HTD2: variants seen among roughly 807,000 people sequenced by gnomAD.
HTD2 encodes hydroxyacyl-thioester dehydratase type 2, also known as hydroxyacyl-thioester dehydratase type 2, mitochondrial.
In HTD2, 1 loss-of-function variant was observed where a neutral mutation model predicts 3.1. The ratio of observed to expected loss-of-function variants is 0.32; its 90% confidence interval spans 0.11 to 1.52. HTD2 has a LOEUF of 1.52. Among genes scored for constraint, HTD2 ranks in the 40% most tolerant of loss-of-function variants. The pLI is 0.39. For missense variants in HTD2, 150 were observed against 79.6 expected (o/e 1.88, Z -3.36); for synonymous variants, 50 against 28.9 (o/e 1.73, Z -2.34).
rs368694454 is a variant in HTD2 at position 58,308,943 on chromosome 3, A to G, written c.-415-1564A>G. 2.9e-4 allele frequency among the ~76,000 whole-genome samples: 44 copies of G among 152,336 alleles called. No individual in the cohort carries two copies. In the South Asian group the frequency reaches 3.7e-3, roughly 13 times the overall value. On this transcript the variant is annotated intron_variant, in intron 1 of 4. Transcript: ENST00000461393. ...GGTTGGCATGGAGCCAAGGAAAGGA[A>G]CTGTCTACAGAGAGATGAGCATGTT...
chr3:58,318,044 G>A lies in HTD2; in HGVS notation c.431G>A (p.Cys144Tyr), dbSNP rs1471995843. The A allele has an allele frequency of 1.4e-5, 10 of 699,388 alleles. No individual in the cohort carries two copies. Among genetic ancestry groups the A allele is most frequent in the Non-Finnish European group, 2.6e-5 (10 of 384,212 alleles). The allele number at this position is 699,388 out of a possible 1,614,324, so 43.3% of individuals were successfully genotyped here. ...TTCATTGCTATTATTGCAGTGTCAT[G>A]TTCTGTAATAGAAAGTAAAAAGACT... ...KRFIAIIAVS[C>Y]SVIESKKTVM... Residue 144 changes from cysteine (C) to tyrosine (Y), a missense_variant, in exon 5 of 5, where the codon TGT becomes TAT. Physicochemically the swap from Cys to Tyr is radical, Grantham distance 194. Coordinates refer to ENST00000461393, the MANE Select transcript of HTD2 (RefSeq NM_001348712.2).
intron 2 of HTD2, among the ~76,000 whole-genome samples, chr3:58,316,019 T>C (rs2097487900): frequency 6.6e-6 from 1 of 152,214 alleles, no homozygotes; most frequent in African/African-American, 2.4e-5. Flanking sequence ...GTCTATAATT[T>C]TTTTAAATAC....
intron 1 of HTD2, chr3:58,310,156 CTGAT>C (rs1472726111): frequency 1.7e-6 from 1 of 605,548 alleles, no homozygotes; most frequent in Non-Finnish European, 2.9e-6. Flanking sequence ...GCAGTGAACT[CTGAT>C]TGTACCACTG....
chr3:58,308,182 C>T (rs551323493), intron 1 of HTD2, among the ~76,000 whole-genome samples: 6 of 152,276 alleles, frequency 3.9e-5, no homozygotes, highest in African/African-American at 1.4e-4. Flanking sequence ...GTAACTATTT[C>T]CGCTGTCCTG....
rs1269262721 is a variant in HTD2, at chr3:58,319,782, CTTTTGTTTCCCATTTTT to C, written c.*1674_*1690del. 6.6e-6 allele frequency: 1 copy of C among 152,026 alleles called. No homozygotes were observed. The highest frequency in any genetic ancestry group is 1.5e-5 in the Non-Finnish European group (1 of 68,008). 9.4% of individuals were successfully genotyped at this position (152,026 alleles called of 1,614,324 possible). ...AATGGCCATCCCAACACAGCCAACA[CTTTTGTTTCCCATTTTT>C]TTTTGTTTCCCGTTTTTTAATAAAA... On this transcript the variant is annotated 3_prime_UTR_variant, in exon 5 of 5. Transcript: ENST00000461393.
intron 1 of HTD2, 172 bp from the exon 2 acceptor site, chr3:58,310,335 T>C (rs773581083): frequency 6.2e-7 from 1 of 1,614,138 alleles, no homozygotes; most frequent in Non-Finnish European, 8.5e-7. Context: ...AAAAGATGCC[T>C]GCCCCTGCTG....
At chr3:58,315,342 A>T (rs1250722172) in intron 2 of HTD2, among the ~76,000 whole-genome samples, 1 of 151,972 alleles carries the variant, frequency 6.6e-6, no homozygotes, top group East Asian at 1.9e-4. Flanking sequence ...TACTATATAT[A>T]ATCTGGAGAA....
intron 1 of HTD2, among the ~76,000 whole-genome samples, chr3:58,307,261 T>G (rs972409469): frequency 3.3e-5 from 5 of 152,320 alleles, no homozygotes; most frequent in Admixed American, 6.5e-5. Context: ...GGCCTTACTC[T>G]GGATAAAACG....
chr3:58,313,040 G>T (rs2097484080), intron 2 of HTD2, among the ~76,000 whole-genome samples: 1 of 149,616 alleles, frequency 6.7e-6, no homozygotes, highest in Non-Finnish European at 1.5e-5. Context: ...AAGGCAGGCA[G>T]ATCCCAAGGT....
rs777856787 is a variant in HTD2 at position 58,317,592 on chromosome 3, A to G, written c.-22A>G. On this transcript the variant is annotated 5_prime_UTR_variant, in exon 5 of 5. An upstream start codon of the reference 5' UTR is lost. Transcript: ENST00000461393. Reference sequence around the variant, plus strand: ...GACTGAAGCAGGCTAAAAGCTCTTGATGAAATTTGAGGGTGCTGAAGATGT... The same window carrying G: ...GACTGAAGCAGGCTAAAAGCTCTTGGTGAAATTTGAGGGTGCTGAAGATGT... 2.3e-6 allele frequency: 2 copies of G among 876,624 alleles called. No homozygotes were observed. The highest frequency in any genetic ancestry group is 1.7e-5 in the African/African-American group (1 of 60,542). The allele number at this position is 876,624 out of a possible 1,614,324, so 54.3% of individuals were successfully genotyped here.
chr3:58,311,048 T>G (rs2097481664), intron 2 of HTD2, among the ~76,000 whole-genome samples: 1 of 152,182 alleles, frequency 6.6e-6, no homozygotes, highest in Admixed American at 6.5e-5. Flanking sequence ...TTGTATTCCT[T>G]TTTTTCCTCC....
chr3:58,310,121 G>T, intron 1 of HTD2: 1 of 559,038 alleles, frequency 1.8e-6, no homozygotes, highest in Non-Finnish European at 3.2e-6. Context: ...GATCACCTGA[G>T]CCTCGAGAGC....
At position 58,317,855 on chromosome 3, in the gene HTD2, C is replaced by A. The variant is rs905145814; in HGVS notation, c.242C>A (p.Thr81Lys). ...DFAKHTKFGN[T>K]IVHGVLINGL... ...GCAAAACACACCAAGTTTGGAAATACAATTGTACATGGAGTTTTGATCAAC... is the reference window on the plus strand; with the variant it reads ...GCAAAACACACCAAGTTTGGAAATAAAATTGTACATGGAGTTTTGATCAAC... The change falls in exon 5 of 5, where the codon ACA becomes AAA. Residue 81 changes from threonine to lysine, a missense_variant. Coordinates refer to ENST00000461393, the MANE Select transcript of HTD2 (RefSeq NM_001348712.2). 2 of 703,042 alleles carry A rather than the reference C, an allele frequency of 2.8e-6. No homozygotes were observed. Among genetic ancestry groups the A allele is most frequent in the Admixed American group, 2.0e-5 (1 of 50,010 alleles). The allele number at this position is 703,042 out of a possible 1,614,324, so 43.6% of individuals were successfully genotyped here.
chr3:58,310,379 C>T, intron 1 of HTD2, 128 bp from the exon 2 acceptor site: 1 of 1,614,142 alleles, frequency 6.2e-7, no homozygotes, highest in Non-Finnish European at 8.5e-7. Flanking sequence ...AAAAACCCTT[C>T]CGAGTACCAC....
intron 1 of HTD2, among the ~76,000 whole-genome samples, chr3:58,307,304 A>T (rs1220675358): frequency 2.0e-5 from 3 of 152,208 alleles, no homozygotes; most frequent in African/African-American, 7.2e-5. Flanking sequence ...CAGAGGAATG[A>T]TGTAGCTTGA....
Position 58,317,755 on chromosome 3 carries a change from T to A in HTD2, c.142T>A (p.Phe48Ile). The change falls in exon 5 of 5, where the codon TTC (phenylalanine) becomes ATC (isoleucine). Residue 48 changes from phenylalanine (F) to isoleucine (I), a missense_variant. Physicochemically the swap from Phe to Ile is conservative, Grantham distance 21 (BLOSUM62 0). Transcript: ENST00000461393. ...VGDRAELRRA[F>I]TQTDVATFSE... ...AGACCGCGCTGAACTTAGGAGGGCC[T>A]TCACACAGACTGATGTGGCTACCTT... 1.4e-6 allele frequency: 1 copy of A among 703,328 alleles called. No individual in the cohort carries two copies. Among genetic ancestry groups the A allele is most frequent in the Non-Finnish European group, 2.6e-6 (1 of 385,012 alleles). 43.6% of individuals were successfully genotyped at this position (703,328 alleles called of 1,614,324 possible).
At chr3:58,316,024 A>T (rs996467413) in intron 2 of HTD2, among the ~76,000 whole-genome samples, 2 of 152,116 alleles carry the variant, frequency 1.3e-5, no homozygotes, top group Admixed American at 6.6e-5. Context: ...TAATTTTTTT[A>T]AATACAAAAT....
intron 2 of HTD2, among the ~76,000 whole-genome samples, chr3:58,311,480 T>C (rs1271631312): frequency 6.6e-6 from 1 of 152,180 alleles, no homozygotes; most frequent in East Asian, 1.9e-4. Context: ...CTCTCACATA[T>C]GAGTGAGAAC....
At position 58,309,229 on chromosome 3, in the gene HTD2, T is replaced by C. The variant is rs183962153; in HGVS notation, c.-415-1278T>C. On this transcript the variant is annotated intron_variant, in intron 1 of 4. Coordinates refer to ENST00000461393, the MANE Select transcript of HTD2 (RefSeq NM_001348712.2). ...AAATCTTAGATTTTACTCCTTTATGTCTTTTCTTTTTCTTTGGATAAAGAG... is the reference window on the plus strand; with the variant it reads ...AAATCTTAGATTTTACTCCTTTATGCCTTTTCTTTTTCTTTGGATAAAGAG... Among the ~76,000 whole-genome samples, 81 of 152,338 alleles carry C rather than the reference T, an allele frequency of 5.3e-4. No homozygotes were observed. The East Asian group carries it at 0.011, about 21-fold the overall frequency.
Sources: gnomAD v4.1 joint callset for allele counts (sites outside exome capture counted in the v4.1 genomes callset) on GRCh38, gnomAD v4.1.1 for gene constraint, MANE v1.5 for transcripts, NCBI Gene and HGNC (gene_info 2026-07-23, HGNC 2026-07-21) for gene names.